Variants in AFDN observed in about 807,000 individuals in gnomAD.
AFDN encodes afadin.
Under a neutral mutation model 216.6 loss-of-function variants are expected in AFDN, and 68 were observed. The observed-to-expected ratio is 0.31, with a 90% CI of 0.26 to 0.38. AFDN has a LOEUF of 0.38. Ranked by LOEUF, AFDN falls within the 10% of genes least tolerant of loss-of-function variation. The probability of loss-of-function intolerance (pLI) is 1.00; values close to 1 mark genes in which losing one functional copy is unlikely to be tolerated. For synonymous variants in AFDN, 868 were observed against 853.7 expected, an observed-to-expected ratio of 1.02 and a Z score of -0.29; for missense variants, 2,136 against 2,342.0, an observed-to-expected ratio of 0.91 and a Z score of 1.82.
chr6:167,958,682 T>C (rs1422193681), intron 30 of AFDN, among the ~76,000 whole-genome samples: 2 of 152,234 alleles, frequency 1.3e-5, no homozygotes, highest in Non-Finnish European at 2.9e-5. Context: ...AGGTCTTCCC[T>C]CCTCTTCCGC....
intron 1 of AFDN, among the ~76,000 whole-genome samples, chr6:167,836,764 G>A (rs1297050755): frequency 5.9e-5 from 9 of 152,232 alleles, no homozygotes; most frequent in Middle Eastern, 3.4e-3. Flanking sequence ...ATTTTTAACC[G>A]TTTAGTGCAT....
At chr6:167,903,224 C>T (rs999291807) in intron 12 of AFDN, among the ~76,000 whole-genome samples, 1 of 152,192 alleles carries the variant, frequency 6.6e-6, no homozygotes, top group African/African-American at 2.4e-5. Flanking sequence ...TATTTGTTTA[C>T]CATTGTGCAA....
intron 2 of AFDN, among the ~76,000 whole-genome samples, chr6:167,869,557 C>T (rs931839279): frequency 2.7e-4 from 41 of 152,242 alleles, no homozygotes; most frequent in African/African-American, 8.9e-4. Flanking sequence ...GGGCTTGCAG[C>T]GTCAAATCTG....
At chr6:167,969,273 A>G in intron 33 of AFDN, 75 bp downstream of exon 33, 3 of 1,145,904 alleles carry the variant, frequency 2.6e-6, no homozygotes, top group Non-Finnish European at 4.0e-6. Context: ...ACACCTTGAG[A>G]TTATGTAAAC....
intron 7 of AFDN, among the ~76,000 whole-genome samples, chr6:167,890,584 G>C (rs893244767): frequency 6.6e-6 from 1 of 151,298 alleles, no homozygotes; most frequent in African/African-American, 2.4e-5. Flanking sequence ...TTCTTAACCT[G>C]GTGTTTTTTT....
intron 6 of AFDN, among the ~76,000 whole-genome samples, chr6:167,883,604 T>C (rs565567478): frequency 6.6e-6 from 1 of 152,346 alleles, no homozygotes; most frequent in East Asian, 1.9e-4. Context: ...GGTTTCCCAA[T>C]ACGTATAAAA....
intron 22 of AFDN, 194 bp from the exon 23 acceptor site, chr6:167,924,811 T>C (rs1792294316): frequency 1.6e-6 from 1 of 608,266 alleles, no homozygotes. Context: ...GAGTCAAGAA[T>C]ATCGATTTAG....
chr6:167,961,068 T>TAA (rs527327137), intron 30 of AFDN, among the ~76,000 whole-genome samples: 13,550 of 148,750 alleles, frequency 0.091, 727 homozygotes, highest in South Asian at 0.2. Context: ...GATTTTTATT[T>TAA]AAAAAAAAAA....
intron 1 of AFDN, chr6:167,863,756 G>T: frequency 1.9e-6 from 1 of 518,810 alleles, no homozygotes; most frequent in Non-Finnish European, 3.8e-6. Context: ...GATACCTGTG[G>T]AGGGGATACC....
intron 3 of AFDN, 121 bp downstream of exon 3, chr6:167,870,619 T>G (rs185173062): frequency 5.8e-6 from 3 of 515,442 alleles, no homozygotes; most frequent in Non-Finnish European, 6.9e-6. Flanking sequence ...ATAAACCCTT[T>G]TACCCTCCTC....
At chr6:167,844,995 G>T (rs1201809095) in intron 1 of AFDN, among the ~76,000 whole-genome samples, 1 of 151,776 alleles carries the variant, frequency 6.6e-6, no homozygotes, top group Non-Finnish European at 1.5e-5. Flanking sequence ...GAGTAGCTGG[G>T]GCTACAGGCA....
intron 21 of AFDN, among the ~76,000 whole-genome samples, chr6:167,920,777 C>T (rs1343305047): frequency 1.3e-5 from 2 of 152,140 alleles, no homozygotes; most frequent in African/African-American, 2.4e-5. Flanking sequence ...TTACCGTTGT[C>T]GGTACTCTAC....
At chr6:167,909,558 C>T (rs1045047437) in intron 13 of AFDN, among the ~76,000 whole-genome samples, 4 of 151,978 alleles carry the variant, frequency 2.6e-5, no homozygotes, top group African/African-American at 7.2e-5. Context: ...TAATTCTGGC[C>T]GTACAGTACC....
chr6:167,859,071 G>GTT lies in AFDN; in HGVS notation c.106-5462_106-5461dup, dbSNP rs933336720. On this transcript the variant is annotated intron_variant, in intron 1 of 33. Coordinates refer to ENST00000683244, the MANE Select transcript of AFDN (RefSeq NM_001386888.1). ...GTGAAGAAATTTTATGGCCGTTCTT[G>GTT]TTTTTTTTTTTTTTTTTTTCTTTTT... 2.1e-3 allele frequency among the ~76,000 whole-genome samples: 226 copies of GTT among 109,032 alleles called. 1 individual carries two copies. The highest frequency in any genetic ancestry group is 6.6e-3 in the African/African-American group (202 of 30,430). The allele number at this position is 109,032 out of a possible 152,430, so 71.5% of individuals were successfully genotyped here.
At chr6:167,963,211 G>A in intron 31 of AFDN, 1 of 1,065,542 alleles carries the variant, frequency 9.4e-7, no homozygotes, top group Non-Finnish European at 1.1e-6. Flanking sequence ...ATTTTGAGAT[G>A]TTTCTCTCCA....
intron 28 of AFDN, 112 bp downstream of exon 28, chr6:167,948,056 A>C: frequency 1.2e-6 from 1 of 857,704 alleles, no homozygotes; most frequent in Non-Finnish European, 1.8e-6. Flanking sequence ...ATTGATTATA[A>C]TTTCTAAATT....
chr6:167,896,147 T>C (rs1788214431), intron 9 of AFDN, among the ~76,000 whole-genome samples: 1 of 151,248 alleles, frequency 6.6e-6, no homozygotes, highest in Admixed American at 6.6e-5. Flanking sequence ...TTCCTCCTCC[T>C]CCTCACCCCT....
At chr6:167,853,008 C>G (rs1782487870) in intron 1 of AFDN, among the ~76,000 whole-genome samples, 1 of 152,046 alleles carries the variant, frequency 6.6e-6, no homozygotes, top group East Asian at 1.9e-4. Flanking sequence ...AGCCATTTCT[C>G]CAAGTAGCTG....
At position 167,965,943 on chromosome 6, in the gene AFDN, G is replaced by A. The variant is rs1434248981; in HGVS notation, c.5155G>A (p.Ala1719Thr). Residue 1719 changes from alanine to threonine, a missense_variant, in exon 32 of 34, where the codon GCC (alanine) becomes ACC (threonine). Transcript: ENST00000683244. The stretch of plus-strand genomic sequence containing the variant: ...CCCTCCTCCCCCGCCTCAGCGAAAC[G>A]CCTCCTACCTCAAAACACAGGTCCT... ...GAPPPPPQRN[A>T]SYLKTQVLSP... The A allele has an allele frequency of 2.7e-6, 4 of 1,505,486 alleles. No individual in the cohort carries two copies. Among genetic ancestry groups the A allele is most frequent in the Admixed American group, 2.0e-5 (1 of 49,026 alleles). The allele number at this position is 1,505,486 out of a possible 1,614,324, so 93.3% of individuals were successfully genotyped here. A position where few individuals can be genotyped will look rare whatever the true frequency, so the allele number is the denominator to read the frequency against.
Sources: gnomAD v4.1 joint callset for allele counts (sites outside exome capture counted in the v4.1 genomes callset) on GRCh38, gnomAD v4.1.1 for gene constraint, MANE v1.5 for transcripts, NCBI Gene and HGNC (gene_info 2026-07-23, HGNC 2026-07-21) for gene names.